Variants in PRKD2 observed in about 807,000 individuals in gnomAD.
PRKD2 encodes the protein serine/threonine-protein kinase D2.
PRKD2 carries 22 observed loss-of-function variants against 86.0 expected under a neutral mutation model. The observed-to-expected ratio is 0.26, with a 90% CI of 0.18 to 0.37. The LOEUF is 0.37. Among genes scored for constraint, PRKD2 ranks in the 10% least tolerant of loss-of-function variants. The probability of loss-of-function intolerance (pLI) is 1.00; values close to 1 mark genes in which losing one functional copy is unlikely to be tolerated. For synonymous variants in PRKD2, 509 were observed against 510.9 expected (o/e 1.00, Z 0.05); for missense variants, 818 against 1,199.2 (o/e 0.68, Z 4.70).
intron 12 of PRKD2, among the ~76,000 whole-genome samples, 194 bp downstream of exon 12, chr19:46,691,541 T>C (rs997718078): frequency 5.9e-5 from 9 of 152,168 alleles, no homozygotes; most frequent in African/African-American, 1.9e-4. Context: ...AGGAGGAATG[T>C]CCATTGGTTT....
intron 14 of PRKD2, among the ~76,000 whole-genome samples, chr19:46,682,315 T>C (rs1011050264): frequency 2.0e-5 from 3 of 151,916 alleles, no homozygotes; most frequent in African/African-American, 7.3e-5. Context: ...CTTGCTCTGA[T>C]AATTTTTTCT....
At chr19:46,699,119 G>C (rs1599831115) in intron 7 of PRKD2, among the ~76,000 whole-genome samples, 1 of 152,138 alleles carries the variant, frequency 6.6e-6, no homozygotes, top group South Asian at 2.1e-4. Context: ...AGCTACATGG[G>C]TCTCTTTGCT....
At chr19:46,688,002 C>G (rs2053425470) in intron 14 of PRKD2, among the ~76,000 whole-genome samples, 1 of 152,106 alleles carries the variant, frequency 6.6e-6, no homozygotes, top group South Asian at 2.1e-4. Context: ...TCCCAAGCAG[C>G]TAGGACTACA....
intron 2 of PRKD2, 32 bp downstream of exon 2, chr19:46,713,825 CCCGAGG>C: frequency 7.1e-7 from 1 of 1,416,828 alleles, no homozygotes; most frequent in Non-Finnish European, 9.5e-7. Flanking sequence ...CCCGCCCCCA[CCCGAGG>C]CCCCGCCCCC....
At chr19:46,677,680 C>T (rs1256482982) in intron 16 of PRKD2, among the ~76,000 whole-genome samples, 1 of 152,200 alleles carries the variant, frequency 6.6e-6, no homozygotes, top group Non-Finnish European at 1.5e-5. Flanking sequence ...GGTGCCACTT[C>T]ATCAGGCCCA....
At chr19:46,689,473 C>CA in intron 14 of PRKD2, 64 bp downstream of exon 14, 9 of 1,526,894 alleles carry the variant, frequency 5.9e-6, no homozygotes, top group Non-Finnish European at 7.1e-6. Flanking sequence ...CCTAGGCATA[C>CA]AGGGCCTCTC....
chr19:46,690,345 C>G (rs2053465958), intron 13 of PRKD2, among the ~76,000 whole-genome samples: 1 of 152,220 alleles, frequency 6.6e-6, no homozygotes, highest in Non-Finnish European at 1.5e-5. Flanking sequence ...CTCCAGTACC[C>G]TCAGGAGAAA....
intron 5 of PRKD2, among the ~76,000 whole-genome samples, chr19:46,701,525 G>A (rs2053634873): frequency 6.6e-6 from 1 of 151,562 alleles, no homozygotes; most frequent in African/African-American, 2.4e-5. Flanking sequence ...TGATTTTTTT[G>A]TGTTTTTAGT....
intron 9 of PRKD2, among the ~76,000 whole-genome samples, chr19:46,696,783 G>A (rs1466474446): frequency 6.6e-6 from 1 of 152,004 alleles, no homozygotes; most frequent in Admixed American, 6.6e-5. Context: ...AAAAATAAAG[G>A]AATAGTGAGA....
intron 15 of PRKD2, among the ~76,000 whole-genome samples, chr19:46,680,946 A>ATATATATATATATATATATATATATTT: frequency 1.0e-4 from 5 of 48,208 alleles, no homozygotes; most frequent in Admixed American, 3.1e-4. Context: ...ATATATATAT[A>ATATATATATATATATATATATATATTT]TTTTTTTTTT....
rs199540834 is a variant in PRKD2 at position 46,710,898 on chromosome 19, A to G, written c.511+9T>C. ...CCCCAGGCCCCGCCCCCAACCCTTT[A>G]GCTCTCACCATCGCACTTGAGGCCC... On this transcript the variant is annotated intron_variant, in intron 3 of 17. Coordinates refer to ENST00000291281, the MANE Select transcript of PRKD2 (RefSeq NM_016457.5). The G allele has an allele frequency of 6.9e-7, 1 of 1,441,782 alleles. No individual in the cohort carries two copies. Among genetic ancestry groups the G allele is most frequent in the East Asian group, 2.6e-5 (1 of 38,184 alleles). The allele number at this position is 1,441,782 out of a possible 1,614,324, so 89.3% of individuals were successfully genotyped here. A position where few individuals can be genotyped will look rare whatever the true frequency, so the allele number is the denominator to read the frequency against.
intron 2 of PRKD2, among the ~76,000 whole-genome samples, chr19:46,711,389 T>C (rs531540795): frequency 6.6e-6 from 1 of 152,296 alleles, no homozygotes; most frequent in East Asian, 1.9e-4. Flanking sequence ...CTTAAAATGT[T>C]GTGGGCTTTT....
Position 46,674,366 on chromosome 19 carries a change from G to A in PRKD2, c.*157C>T. On this transcript the variant is annotated 3_prime_UTR_variant, in exon 18 of 18. Transcript: ENST00000291281. ...GAGATGAGTCCGTTTTAATTGCTGG[G>A]GAAACAGGGAGGGGCCTTGGAAATA... is the stretch of plus-strand genomic sequence containing the variant. 1 of 744,434 alleles carries A rather than the reference G, an allele frequency of 1.3e-6. No homozygotes were observed. Among genetic ancestry groups the A allele is most frequent in the Non-Finnish European group, 2.1e-6 (1 of 469,982 alleles). The allele number at this position is 744,434 out of a possible 1,614,324, so 46.1% of individuals were successfully genotyped here.
At position 46,698,758 on chromosome 19, in the gene PRKD2, T is replaced by C. The variant is rs367947880; in HGVS notation, c.1122-908A>G. Among the ~76,000 whole-genome samples the C allele has an allele frequency of 5.9e-5, 9 of 152,198 alleles. 1 individual carries two copies. The highest frequency in any genetic ancestry group is 1.7e-4 in the African/African-American group (7 of 41,516). On this transcript the variant is annotated intron_variant, in intron 7 of 17. Coordinates refer to ENST00000291281, the MANE Select transcript of PRKD2 (RefSeq NM_016457.5). ...ATCACTTGAGGTCAGGAGTTTGAGA[T>C]TTGAGAGATTAAGTGACTTGCTCAA...
chr19:46,677,242 G>A (rs1239257778), intron 16 of PRKD2: 2 of 152,612 alleles, frequency 1.3e-5, no homozygotes, highest in African/African-American at 4.8e-5. Context: ...ACCCTCCAGA[G>A]AGGACCCTTC....
intron 5 of PRKD2, among the ~76,000 whole-genome samples, chr19:46,703,958 A>AAC (rs10528388): frequency 0.011 from 1,526 of 133,734 alleles, 23 homozygotes; most frequent in South Asian, 0.05. Flanking sequence ...AAACAACAAC[A>AAC]ACACACACAC....
At chr19:46,705,344 T>G (rs1284886776) in intron 3 of PRKD2, among the ~76,000 whole-genome samples, 1 of 151,574 alleles carries the variant, frequency 6.6e-6, no homozygotes, top group Admixed American at 6.6e-5. Context: ...TCCCCCTCTT[T>G]CCCCAACCCC....
rs563976567 is a variant in PRKD2, at chr19:46,702,362, C to T, written c.890-1250G>A. On this transcript the variant is annotated intron_variant, in intron 5 of 17. Coordinates refer to ENST00000291281, the MANE Select transcript of PRKD2 (RefSeq NM_016457.5). ...ACCTGATTCCGTATTTCTAAGGCTT[C>T]AGAGTTTGATGTCCAAGTTTCTAGA... Among the ~76,000 whole-genome samples the T allele has an allele frequency of 1.1e-4, 16 of 152,088 alleles. No homozygotes were observed. In the South Asian group the frequency reaches 3.3e-3, roughly 32 times the overall value.
At position 46,689,578 on chromosome 19, in the gene PRKD2, C is replaced by T; in HGVS notation, c.1930G>A (p.Gly644Ser). The T allele has an allele frequency of 6.2e-7, 1 of 1,613,850 alleles. No individual in the cohort carries two copies. The highest frequency in any genetic ancestry group is 8.5e-7 in the Non-Finnish European group (1 of 1,179,916). The change falls in exon 14 of 18, where the codon GGC becomes AGC. Residue 644 changes from glycine to serine, a missense_variant. Gly to Ser is a moderately conservative substitution (Grantham distance 56). Transcript: ENST00000291281. ...TTGGTGAGGCGCTCAGGCAGCCGGC[C>T]CTTCTCACTGGACAGGATCATCTCC... ...MLEMILSSEK[G>S]RLPERLTKFL...
Sources: gnomAD v4.1 joint callset for allele counts (sites outside exome capture counted in the v4.1 genomes callset) on GRCh38, gnomAD v4.1.1 for gene constraint, MANE v1.5 for transcripts, NCBI Gene and HGNC (gene_info 2026-07-23, HGNC 2026-07-21) for gene names.